Variants in SLC7A14 observed in about 807,000 individuals in gnomAD.
The protein encoded by SLC7A14 is solute carrier family 7 member 14, also known as gamma-aminobutyric acid transporter SLC7A14.
A neutral mutation model predicts 60.2 loss-of-function variants in SLC7A14; 37 were observed. That is an observed-to-expected ratio of 0.61 (90% CI 0.47 to 0.81). SLC7A14 has a LOEUF of 0.81. SLC7A14 is among the 30% of genes least tolerant of loss of function. The probability of loss-of-function intolerance (pLI) is 0.00; values close to 1 mark genes in which losing one functional copy is unlikely to be tolerated. For synonymous variants in SLC7A14, 399 were observed against 395.8 expected (o/e 1.01, Z -0.10); for missense variants, 886 against 982.7 (o/e 0.90, Z 1.32).
chr3:170,556,170 A>C (rs969567943), intron 1 of SLC7A14, among the ~76,000 whole-genome samples: 2 of 152,190 alleles, frequency 1.3e-5, no homozygotes, highest in Non-Finnish European at 2.9e-5. Flanking sequence ...ATCTTTTTGC[A>C]ATGAGATGCT....
intron 1 of SLC7A14, among the ~76,000 whole-genome samples, chr3:170,552,978 C>T (rs1315159830): frequency 6.6e-6 from 1 of 152,204 alleles, no homozygotes; most frequent in Non-Finnish European, 1.5e-5. Context: ...ATACCTACAG[C>T]TCTTTGAAAA....
At position 170,464,913 on chromosome 3, in the gene SLC7A14, C is replaced by T. The variant is rs1333125933; in HGVS notation, c.*2142G>A. 1 of 152,224 alleles carries T rather than the reference C, an allele frequency of 6.6e-6. No individual in the cohort carries two copies. The highest frequency in any genetic ancestry group is 1.9e-4 in the East Asian group (1 of 5,208). 9.4% of individuals were successfully genotyped at this position (152,224 alleles called of 1,614,324 possible). A position where few individuals can be genotyped will look rare whatever the true frequency, so the allele number is the denominator to read the frequency against. On this transcript the variant is annotated 3_prime_UTR_variant, in exon 8 of 8. Coordinates refer to ENST00000231706, the MANE Select transcript of SLC7A14 (RefSeq NM_020949.3). Reference sequence around the variant, plus strand: ...CCTCCTCATCTATCTAGATATGTATCAAGCTTAACAGATTCTATTTACACC... The same window carrying T: ...CCTCCTCATCTATCTAGATATGTATTAAGCTTAACAGATTCTATTTACACC...
intron 1 of SLC7A14, among the ~76,000 whole-genome samples, chr3:170,537,662 A>T (rs1039969650): frequency 6.6e-6 from 1 of 152,210 alleles, no homozygotes; most frequent in African/African-American, 2.4e-5. Context: ...CCAGAACTAC[A>T]TGTACCTATT....
intron 1 of SLC7A14, among the ~76,000 whole-genome samples, chr3:170,582,556 G>A (rs527388964): frequency 1.1e-4 from 17 of 152,270 alleles, no homozygotes; most frequent in Non-Finnish European, 1.0e-4. Context: ...CTCAGCAATA[G>A]CATTCTTGAC....
chr3:170,511,048 A>G (rs1712964449), intron 2 of SLC7A14, among the ~76,000 whole-genome samples: 1 of 152,204 alleles, frequency 6.6e-6, no homozygotes, highest in Non-Finnish European at 1.5e-5. Context: ...ATGACAATGA[A>G]GTAAGATGTT....
intron 1 of SLC7A14, among the ~76,000 whole-genome samples, chr3:170,542,943 C>G (rs1439327168): frequency 6.6e-6 from 1 of 152,018 alleles, no homozygotes; most frequent in African/African-American, 2.4e-5. Flanking sequence ...GCCATGATGC[C>G]TAGAATCTCT....
At chr3:170,584,016 G>A (rs1468552433) in intron 1 of SLC7A14, among the ~76,000 whole-genome samples, 1 of 152,220 alleles carries the variant, frequency 6.6e-6, no homozygotes, top group East Asian at 1.9e-4. Context: ...TGGACTTTGA[G>A]TTAAATAGAT....
Position 170,486,330 on chromosome 3 carries a change from A to C in SLC7A14, c.798T>G (p.Ile266Met). Residue 266 changes from isoleucine to methionine, a missense_variant, in exon 5 of 8, where the codon ATT becomes ATG. Coordinates refer to ENST00000231706, the MANE Select transcript of SLC7A14 (RefSeq NM_020949.3). Reference protein sequence around the residue: ...QGAATCFYAFIGFDIIATTGE... With the variant: ...QGAATCFYAFMGFDIIATTGE... ...CAGTGGTGGCGATGATGTCAAAGCC[A>C]ATGAAAGCGTAGAAGCATGTTGCTG... 1 of 1,614,216 alleles carries C rather than the reference A, an allele frequency of 6.2e-7. No homozygotes were observed. The highest frequency in any genetic ancestry group is 1.1e-5 in the South Asian group (1 of 91,084).
At chr3:170,517,267 T>C (rs944369100) in intron 2 of SLC7A14, among the ~76,000 whole-genome samples, 9 of 152,324 alleles carry the variant, frequency 5.9e-5, no homozygotes, top group African/African-American at 2.2e-4. Context: ...TTTTGACATA[T>C]GGCTGTGTAT....
Position 170,480,635 on chromosome 3 carries a change from G to T in SLC7A14, c.1647C>A (p.Gly549=). Residue 549 remains glycine (G), a synonymous_variant, in exon 7 of 8, where the codon GGC becomes GGA. Coordinates refer to ENST00000231706, the MANE Select transcript of SLC7A14 (RefSeq NM_020949.3). ...TGGGCCGGTCCATTTTGCCTGGAAG[G>T]CCCAGCCGGATTCTCATGGTGTAAT... ...PHYYTMRIRL[G]LPGKMDRPTA... is the part of the protein sequence containing the mutation. The T allele has an allele frequency of 6.2e-7, 1 of 1,614,246 alleles. No homozygotes were observed. The highest frequency in any genetic ancestry group is 1.1e-5 in the South Asian group (1 of 91,086).
intron 1 of SLC7A14, among the ~76,000 whole-genome samples, chr3:170,583,885 T>C (rs1715303832): frequency 6.6e-6 from 1 of 152,110 alleles, no homozygotes; most frequent in Admixed American, 6.5e-5. Context: ...AGAAAAGGGT[T>C]GGAAGAGAGG....
chr3:170,486,340 T>C lies in SLC7A14; in HGVS notation c.788A>G (p.Tyr263Cys). Residue 263 changes from tyrosine (Y) to cysteine (C), a missense_variant, in exon 5 of 8, where the codon TAC becomes TGC. Transcript: ENST00000231706. ...GVLQGAATCF[Y>C]AFIGFDIIAT... ...GATGATGTCAAAGCCAATGAAAGCG[T>C]AGAAGCATGTTGCTGCTCCTTGCAG... 1 of 1,614,182 alleles carries C rather than the reference T, an allele frequency of 6.2e-7. No individual in the cohort carries two copies. Among genetic ancestry groups the C allele is most frequent in the South Asian group, 1.1e-5 (1 of 91,078 alleles).
intron 1 of SLC7A14, among the ~76,000 whole-genome samples, chr3:170,529,264 A>G (rs1378639358): frequency 2.0e-5 from 3 of 152,170 alleles, no homozygotes; most frequent in Non-Finnish European, 2.9e-5. Flanking sequence ...ACATATATAT[A>G]TGTGTGTGTG....
chr3:170,577,588 G>T (rs1239960353), intron 1 of SLC7A14, among the ~76,000 whole-genome samples: 1 of 139,490 alleles, frequency 7.2e-6, no homozygotes, highest in Non-Finnish European at 1.5e-5. Flanking sequence ...ACTGCAGTCC[G>T]CAGTCCGGCC....
rs1185975868 is a variant in SLC7A14 at position 170,466,578 on chromosome 3, T to C, written c.*477A>G. The C allele has an allele frequency of 6.5e-6, 1 of 152,926 alleles. No homozygotes were observed. 9.5% of individuals were successfully genotyped at this position (152,926 alleles called of 1,614,324 possible). On this transcript the variant is annotated 3_prime_UTR_variant, in exon 8 of 8. Coordinates refer to ENST00000231706, the MANE Select transcript of SLC7A14 (RefSeq NM_020949.3). ...TCCATGAATTAATTTTGGGTGAGAT[T>C]GCAGGATAAAATGATGCTTGCTCAG...
At chr3:170,512,382 C>A (rs991916053) in intron 2 of SLC7A14, among the ~76,000 whole-genome samples, 3 of 152,118 alleles carry the variant, frequency 2.0e-5, no homozygotes, top group African/African-American at 7.2e-5. Flanking sequence ...GGGGGCCTTC[C>A]CAAAGACATG....
At chr3:170,484,404 T>C (rs1479474284) in intron 5 of SLC7A14, among the ~76,000 whole-genome samples, 4 of 152,110 alleles carry the variant, frequency 2.6e-5, no homozygotes, top group Non-Finnish European at 5.9e-5. Flanking sequence ...GGGGAGGTGA[T>C]AAGCACTTAA....
chr3:170,507,426 G>C (rs866345987), intron 2 of SLC7A14, among the ~76,000 whole-genome samples: 4 of 152,184 alleles, frequency 2.6e-5, no homozygotes, highest in Admixed American at 1.3e-4. Flanking sequence ...TGCGGTGAGC[G>C]TGGTTCTTAG....
chr3:170,550,100 C>T (rs988323595), intron 1 of SLC7A14, among the ~76,000 whole-genome samples: 1 of 152,230 alleles, frequency 6.6e-6, no homozygotes, highest in African/African-American at 2.4e-5. Flanking sequence ...GTCCTCAATT[C>T]TATTAGCCTT....
Sources: gnomAD v4.1 joint callset for allele counts (sites outside exome capture counted in the v4.1 genomes callset) on GRCh38, gnomAD v4.1.1 for gene constraint, MANE v1.5 for transcripts, NCBI Gene and HGNC (gene_info 2026-07-23, HGNC 2026-07-21) for gene names.